TMEM132B: variants seen among roughly 807,000 people sequenced by gnomAD.
TMEM132B encodes transmembrane protein 132B.
In TMEM132B, 18 loss-of-function variants were observed where a neutral mutation model predicts 90.8. That is an observed-to-expected ratio of 0.20 (90% CI 0.14 to 0.29). The LOEUF is 0.29. Among genes scored for constraint, TMEM132B ranks in the 10% least tolerant of loss-of-function variants. The probability of loss-of-function intolerance (pLI) is 1.00; values close to 1 mark genes in which losing one functional copy is unlikely to be tolerated. For missense variants in TMEM132B, 1,096 were observed against 1,326.8 expected, an observed-to-expected ratio of 0.83 and a Z score of 2.70; for synonymous variants, 504 against 523.3, an observed-to-expected ratio of 0.96 and a Z score of 0.50.
At position 125,492,877 on chromosome 12, in the gene TMEM132B, G is replaced by A. The variant is rs1470260234; in HGVS notation, c.1107-26562G>A. ...TCAGTTCCACCCTCAAGAGCTTGCAGTCCAGGAAGGGAGATGAAAATAAAC... is the reference window on the plus strand; with the variant it reads ...TCAGTTCCACCCTCAAGAGCTTGCAATCCAGGAAGGGAGATGAAAATAAAC... On this transcript the variant is annotated intron_variant, in intron 3 of 8. Transcript: ENST00000682704. The surrounding 1 kb of genome is among the most constrained non-coding windows in gnomAD (Gnocchi z 5.8). 6.6e-6 allele frequency among the ~76,000 whole-genome samples: 1 copy of A among 152,212 alleles called. No individual in the cohort carries two copies. Among genetic ancestry groups the A allele is most frequent in the Non-Finnish European group, 1.5e-5 (1 of 68,032 alleles).
At chr12:125,434,539 G>A (rs1406958125) in intron 3 of TMEM132B, among the ~76,000 whole-genome samples, 1 of 151,856 alleles carries the variant, frequency 6.6e-6, no homozygotes, top group Non-Finnish European at 1.5e-5. Flanking sequence ...GGGAAGCCGG[G>A]GCCTCCCTCC....
chr12:125,322,389 T>G (rs1227947181), intron 1 of TMEM132B, among the ~76,000 whole-genome samples: 2 of 152,230 alleles, frequency 1.3e-5, no homozygotes, highest in Non-Finnish European at 2.9e-5. Flanking sequence ...AATTACCCAG[T>G]CTCAGATATG....
chr12:125,247,494 G>A (rs982666129), intron 1 of TMEM132B, among the ~76,000 whole-genome samples: 17 of 152,274 alleles, frequency 1.1e-4, no homozygotes, highest in East Asian at 7.7e-4. Flanking sequence ...GGCATTCCTC[G>A]ATGATTCTTC....
intron 5 of TMEM132B, among the ~76,000 whole-genome samples, chr12:125,603,750 C>T (rs1334235521): frequency 6.6e-6 from 1 of 152,026 alleles, no homozygotes; most frequent in East Asian, 1.9e-4. Context: ...ATCAAATTTA[C>T]AAGAAAAAAA....
chr12:125,622,053 C>A (rs1383886134), intron 5 of TMEM132B, among the ~76,000 whole-genome samples: 1 of 152,200 alleles, frequency 6.6e-6, no homozygotes, highest in Non-Finnish European at 1.5e-5. Flanking sequence ...GTGGGCTCAG[C>A]TGAGGTCCCT....
chr12:125,393,689 G>C (rs1440679252), intron 2 of TMEM132B, among the ~76,000 whole-genome samples: 1 of 152,124 alleles, frequency 6.6e-6, no homozygotes, highest in African/African-American at 2.4e-5. Context: ...GATGAAGATG[G>C]AGGCGCAGTC....
chr12:125,627,317 C>T (rs572743320), intron 5 of TMEM132B, among the ~76,000 whole-genome samples: 31 of 151,696 alleles, frequency 2.0e-4, no homozygotes, highest in African/African-American at 7.5e-4. Flanking sequence ...TTTTTTTTCT[C>T]CCTGGGGGTG....
At chr12:125,216,513 A>C (rs924631126) in intron 1 of TMEM132B, among the ~76,000 whole-genome samples, 3 of 152,182 alleles carry the variant, frequency 2.0e-5, no homozygotes, top group African/African-American at 7.2e-5. Flanking sequence ...TTTATTCTCC[A>C]GCCCTCAGCC....
chr12:125,239,314 T>G (rs1259376055), intron 1 of TMEM132B, among the ~76,000 whole-genome samples: 1 of 152,176 alleles, frequency 6.6e-6, no homozygotes, highest in Non-Finnish European at 1.5e-5. Flanking sequence ...CTCTCTGGCC[T>G]TGGGGATTGA....
intron 1 of TMEM132B, among the ~76,000 whole-genome samples, chr12:125,219,229 C>A (rs981135406): frequency 6.6e-6 from 1 of 152,158 alleles, no homozygotes; most frequent in African/African-American, 2.4e-5. Flanking sequence ...TGCAGAAATG[C>A]ATTCCCAGGG....
intron 3 of TMEM132B, among the ~76,000 whole-genome samples, chr12:125,483,887 T>C (rs1383963329): frequency 6.6e-6 from 1 of 152,220 alleles, no homozygotes; most frequent in South Asian, 2.1e-4. Flanking sequence ...ATTGGCTTCC[T>C]ATGGGTCAGA....
At chr12:125,477,109 T>C (rs769781199) in intron 3 of TMEM132B, among the ~76,000 whole-genome samples, 45 of 152,316 alleles carry the variant, frequency 3.0e-4, no homozygotes, top group Admixed American at 4.6e-4. Flanking sequence ...ACCAGTTCTA[T>C]TAGAACCAGG....
At chr12:125,548,163 G>A (rs1262559816) in intron 4 of TMEM132B, among the ~76,000 whole-genome samples, 1 of 152,068 alleles carries the variant, frequency 6.6e-6, no homozygotes, top group African/African-American at 2.4e-5. Context: ...GGTCACACCT[G>A]GAAAAAGAGT....
At chr12:125,550,105 C>T (rs1050777279) in intron 4 of TMEM132B, among the ~76,000 whole-genome samples, 1 of 152,202 alleles carries the variant, frequency 6.6e-6, no homozygotes, top group Non-Finnish European at 1.5e-5. Flanking sequence ...CTTCTTCTTT[C>T]TGTTCCTGCC....
chr12:125,261,587 C>T (rs762001166), intron 1 of TMEM132B, among the ~76,000 whole-genome samples: 18 of 152,078 alleles, frequency 1.2e-4, no homozygotes, highest in Admixed American at 2.6e-4. Context: ...ATTAATATTC[C>T]GTGCTCCACA....
intron 4 of TMEM132B, among the ~76,000 whole-genome samples, chr12:125,548,850 T>C (rs1884153439): frequency 6.6e-6 from 1 of 152,148 alleles, no homozygotes; most frequent in Admixed American, 6.5e-5. Flanking sequence ...CAAGACACGA[T>C]GGTGGCTTAT....
At chr12:125,192,293 C>T (rs900381032) in intron 1 of TMEM132B, among the ~76,000 whole-genome samples, 4 of 152,172 alleles carry the variant, frequency 2.6e-5, no homozygotes, top group African/African-American at 9.7e-5. Flanking sequence ...AGTGTGAACC[C>T]TGGTGTGTCT....
At chr12:125,253,877 C>G (rs1320095717) in intron 1 of TMEM132B, among the ~76,000 whole-genome samples, 3 of 152,206 alleles carry the variant, frequency 2.0e-5, no homozygotes, top group Non-Finnish European at 2.9e-5. Context: ...CTGGGTCTGA[C>G]TTTGGCATTT....
At chr12:125,362,775 T>G (rs1481984293) in intron 2 of TMEM132B, among the ~76,000 whole-genome samples, 1 of 152,190 alleles carries the variant, frequency 6.6e-6, no homozygotes, top group Non-Finnish European at 1.5e-5. Context: ...AACTTTAAAA[T>G]ACACAAGTAA....
Sources: gnomAD v4.1 joint callset for allele counts (sites outside exome capture counted in the v4.1 genomes callset) on GRCh38, gnomAD v4.1.1 for gene constraint, Gnocchi (gnomAD v3.1) non-coding constraint, MANE v1.5 for transcripts, NCBI Gene and HGNC (gene_info 2026-07-23, HGNC 2026-07-21) for gene names.